The following NUP98 variants were observed in gnomAD, a reference collection of about 807,000 sequenced individuals.
The protein encoded by NUP98 is nucleoporin 98 and 96 precursor, also known as nuclear pore complex protein Nup98-Nup96.
In NUP98, 26 loss-of-function variants were observed where a neutral mutation model predicts 191.9. That is an observed-to-expected ratio of 0.14 (90% CI 0.10 to 0.19). The LOEUF is 0.19. Ranked by LOEUF, NUP98 falls within the 10% of genes least tolerant of loss-of-function variation. NUP98 has a pLI of 1.00. For synonymous variants in NUP98, 808 were observed against 778.4 expected (o/e 1.04, Z -0.63); for missense variants, 1,941 against 2,178.8 (o/e 0.89, Z 2.17).
At chr11:3,793,745 T>A (rs1461127511) in intron 1 of NUP98, among the ~76,000 whole-genome samples, 4 of 151,148 alleles carry the variant, frequency 2.6e-5, no homozygotes, top group African/African-American at 9.7e-5. Flanking sequence ...CCAAAGCGGG[T>A]GGATTGCTTG....
At chr11:3,733,366 C>CA (rs1315623432) in intron 13 of NUP98, among the ~76,000 whole-genome samples, 4 of 152,206 alleles carry the variant, frequency 2.6e-5, no homozygotes, top group African/African-American at 9.7e-5. Context: ...GGCTGGAGTG[C>CA]AATGGTGCGA....
At chr11:3,779,827 T>C (rs1321980276) in intron 2 of NUP98, among the ~76,000 whole-genome samples, 2 of 150,944 alleles carry the variant, frequency 1.3e-5, no homozygotes, top group Non-Finnish European at 3.0e-5. Flanking sequence ...CAGATGTTCA[T>C]AGGTTAAAAA....
intron 1 of NUP98, among the ~76,000 whole-genome samples, chr11:3,793,840 C>T (rs542102710): frequency 2.0e-5 from 3 of 151,840 alleles, no homozygotes; most frequent in African/African-American, 7.2e-5. Context: ...TGTGGTGGCA[C>T]GCACCTGTAA....
rs113759189 is a variant in NUP98, at chr11:3,734,066, G to A, written c.1542+1125C>T. Among the ~76,000 whole-genome samples, 1,437 of 148,602 alleles carry A rather than the reference G, an allele frequency of 9.7e-3. 23 individuals are homozygous for A. The highest frequency in any genetic ancestry group is 0.034 in the African/African-American group (1,380 of 40,170). ...TTTTTTTTTTTTGAGACGAAGTTTC[G>A]CTCTTGTTGCCCAGGCTGGAGTGCA... On this transcript the variant is annotated intron_variant, in intron 13 of 32. Coordinates refer to ENST00000324932, the MANE Select transcript of NUP98 (RefSeq NM_016320.5).
chr11:3,743,007 CT>C (rs2080341417), intron 12 of NUP98, among the ~76,000 whole-genome samples: 1 of 151,828 alleles, frequency 6.6e-6, no homozygotes, highest in Non-Finnish European at 1.5e-5. Context: ...ATATAATTTT[CT>C]TTTCTTTTAC....
intron 6 of NUP98, 44 bp downstream of exon 6, chr11:3,773,588 A>C (rs758796995): frequency 1.6e-6 from 2 of 1,236,772 alleles, no homozygotes; most frequent in Non-Finnish European, 2.3e-6. Flanking sequence ...CATTCCAATA[A>C]AATCAAAAGG....
chr11:3,772,014 A>T (rs990283890), intron 6 of NUP98, 86 bp from the exon 7 acceptor site: 3 of 1,132,274 alleles, frequency 2.6e-6, no homozygotes, highest in Non-Finnish European at 3.8e-6. Context: ...TTTAGTATTC[A>T]AGTTCTATGT....
At chr11:3,718,206 T>C (rs1465853150) in intron 18 of NUP98, among the ~76,000 whole-genome samples, 1 of 152,166 alleles carries the variant, frequency 6.6e-6, no homozygotes, top group East Asian at 1.9e-4. Flanking sequence ...TAGGTTTTTC[T>C]TTTTTGACAA....
chr11:3,685,392 GA>G, intron 29 of NUP98, among the ~76,000 whole-genome samples: 1 of 152,332 alleles, frequency 6.6e-6, no homozygotes, highest in South Asian at 2.1e-4. Context: ...AGTGGACACA[GA>G]AAAAGCAGGG....
At chr11:3,709,430 G>A (rs1385903809) in intron 20 of NUP98, among the ~76,000 whole-genome samples, 1 of 151,912 alleles carries the variant, frequency 6.6e-6, no homozygotes, top group African/African-American at 2.4e-5. Context: ...TAGGCAGGGC[G>A]CTGTGGCTCC....
intron 17 of NUP98, among the ~76,000 whole-genome samples, chr11:3,720,219 G>A (rs1264844699): frequency 6.6e-6 from 1 of 152,090 alleles, no homozygotes; most frequent in Non-Finnish European, 1.5e-5. Context: ...ATAGCACAGT[G>A]GCATTTCCCA....
chr11:3,732,319 A>T lies in NUP98; in HGVS notation c.1543-741T>A, dbSNP rs182166878. Reference sequence around the variant, plus strand: ...AAATGTACTAACACAACATATTAATATATCTTGTCCATTCTCTTCATCCTA... The same window carrying T: ...AAATGTACTAACACAACATATTAATTTATCTTGTCCATTCTCTTCATCCTA... On this transcript the variant is annotated intron_variant, in intron 13 of 32. Coordinates refer to ENST00000324932, the MANE Select transcript of NUP98 (RefSeq NM_016320.5). Among the ~76,000 whole-genome samples the T allele has an allele frequency of 2.0e-5, 3 of 152,246 alleles. No homozygotes were observed. The South Asian group carries it at 6.2e-4, about 31-fold the overall frequency.
chr11:3,769,144 G>A (rs2081434058), intron 7 of NUP98, among the ~76,000 whole-genome samples: 1 of 152,112 alleles, frequency 6.6e-6, no homozygotes, highest in Non-Finnish European at 1.5e-5. Flanking sequence ...ATGAATATGG[G>A]CCAGGCACAG....
At chr11:3,719,656 T>C (rs2079318816) in intron 17 of NUP98, 106 bp from the exon 18 acceptor site, 3 of 806,698 alleles carry the variant, frequency 3.7e-6, no homozygotes. Context: ...GTTTTAAGTA[T>C]TAGTATTTTA....
At chr11:3,743,936 G>T (rs958213003) in intron 12 of NUP98, among the ~76,000 whole-genome samples, 28 of 152,078 alleles carry the variant, frequency 1.8e-4, no homozygotes, top group African/African-American at 6.5e-4. Flanking sequence ...GCATGCACCT[G>T]TAATCCCAGC....
At chr11:3,765,302 A>G (rs529782415) in intron 8 of NUP98, among the ~76,000 whole-genome samples, 15 of 152,296 alleles carry the variant, frequency 9.8e-5, no homozygotes, top group African/African-American at 3.4e-4. Flanking sequence ...CATGACCTCA[A>G]TGATTCCCCG....
At chr11:3,693,670 G>C (rs1196153383) in intron 26 of NUP98, among the ~76,000 whole-genome samples, 1 of 152,110 alleles carries the variant, frequency 6.6e-6, no homozygotes, top group African/African-American at 2.4e-5. Flanking sequence ...TGTGATTACA[G>C]GAATCAGACA....
rs148984855 is a variant in NUP98, at chr11:3,760,449, T to C, written c.1174+90A>G. 6.7e-4 allele frequency: 1,061 copies of C among 1,579,266 alleles called. 4 individuals carry two copies. Among genetic ancestry groups the C allele is most frequent in the Non-Finnish European group, 5.7e-4 (659 of 1,148,638 alleles). On this transcript the variant is annotated intron_variant, in intron 10 of 32. Coordinates refer to ENST00000324932, the MANE Select transcript of NUP98 (RefSeq NM_016320.5). ...GGAGAATAACGTGTGGTATAGTCAG[T>C]GTAACTTTAAGAGAGCCAAACCTGC...
At chr11:3,776,112 C>T (rs1342926276) in intron 4 of NUP98, 91 bp from the exon 5 acceptor site, 2 of 850,902 alleles carry the variant, frequency 2.4e-6, no homozygotes, top group African/African-American at 1.8e-5. Flanking sequence ...ACTAGCATCA[C>T]AGTACTTCAT....
Sources: allele counts gnomAD v4.1 joint callset (sites outside exome capture counted in the v4.1 genomes callset), GRCh38; gene constraint gnomAD v4.1.1; transcripts MANE v1.5; gene names NCBI Gene and HGNC (gene_info 2026-07-23, HGNC 2026-07-21).